Variants in TNRC6B observed in about 807,000 individuals in gnomAD.
TNRC6B encodes trinucleotide repeat-containing gene 6B protein.
Under a neutral mutation model 203.6 loss-of-function variants are expected in TNRC6B, and 52 were observed. That is an observed-to-expected ratio of 0.26 (90% confidence interval 0.20 to 0.32). TNRC6B has a LOEUF of 0.32. TNRC6B is among the 10% of genes least tolerant of loss of function. The pLI is 1.00. For missense variants in TNRC6B, 1,923 were observed against 2,286.2 expected (o/e 0.84, Z 3.24); for synonymous variants, 838 against 845.7 (o/e 0.99, Z 0.16).
chr22:40,286,608 T>A (rs1358700693), intron 12 of TNRC6B, among the ~76,000 whole-genome samples: 1 of 152,198 alleles, frequency 6.6e-6, no homozygotes, highest in Non-Finnish European at 1.5e-5. Flanking sequence ...AGGGGGAGTT[T>A]TAGAACTAAT....
At chr22:40,085,909 T>G (rs1601806887) in intron 1 of TNRC6B, among the ~76,000 whole-genome samples, 1 of 152,108 alleles carries the variant, frequency 6.6e-6, no homozygotes, top group African/African-American at 2.4e-5. Context: ...CTTGTTCTAT[T>G]GTCCAGTCTG....
intron 5 of TNRC6B, among the ~76,000 whole-genome samples, chr22:40,268,870 G>A (rs1445401757): frequency 1.3e-5 from 2 of 151,528 alleles, no homozygotes; most frequent in Non-Finnish European, 2.9e-5. Flanking sequence ...CTGAGATCAC[G>A]CCACTGCACT....
chr22:40,262,437 C>T (rs2070401070), intron 4 of TNRC6B, among the ~76,000 whole-genome samples: 1 of 151,994 alleles, frequency 6.6e-6, no homozygotes, highest in Admixed American at 6.5e-5. Flanking sequence ...CCTTCTCAGA[C>T]TAGAGTGTTA....
intron 3 of TNRC6B, among the ~76,000 whole-genome samples, chr22:40,148,324 G>GC (rs1245602653): frequency 1.5e-5 from 2 of 130,428 alleles, no homozygotes; most frequent in African/African-American, 2.9e-5. Flanking sequence ...TTGCTCTGTT[G>GC]CCAGGCTGCA....
At chr22:40,178,269 T>G in intron 1 of TNRC6B, 129 bp downstream of exon 1, 1 of 1,060,850 alleles carries the variant, frequency 9.4e-7, no homozygotes, top group South Asian at 1.5e-5. Context: ...TTCGTGGATC[T>G]GTGTAAATCA....
intron 12 of TNRC6B, among the ~76,000 whole-genome samples, chr22:40,299,144 C>CAA (rs1252985941): frequency 4.1e-4 from 18 of 43,668 alleles, no homozygotes; most frequent in East Asian, 6.6e-4. Context: ...GACCCTGTCT[C>CAA]AAAAAAAAAA....
chr22:40,321,315 C>G, intron 22 of TNRC6B, 86 bp downstream of exon 22: 1 of 1,475,164 alleles, frequency 6.8e-7, no homozygotes, highest in South Asian at 1.2e-5. Context: ...ATTAAAGATG[C>G]ACCAGAACAT....
At position 40,330,535 on chromosome 22, in the gene TNRC6B, T is replaced by G. The variant is rs2071454098; in HGVS notation, c.*7294T>G. Reference sequence around the variant, plus strand: ...TTAGGCAAAACAAAATAAAAACCTTTGGAACCCTTTAAGAAGTTACATACC... The same window carrying G: ...TTAGGCAAAACAAAATAAAAACCTTGGGAACCCTTTAAGAAGTTACATACC... On this transcript the variant is annotated 3_prime_UTR_variant, in exon 23 of 23. Coordinates refer to ENST00000454349, the MANE Select transcript of TNRC6B (RefSeq NM_001162501.2). 1 of 152,602 alleles carries G rather than the reference T, an allele frequency of 6.6e-6. No homozygotes were observed. Among genetic ancestry groups the G allele is most frequent in the Non-Finnish European group, 1.5e-5 (1 of 68,036 alleles). 9.5% of individuals were successfully genotyped at this position (152,602 alleles called of 1,614,324 possible). A position where few individuals can be genotyped will look rare whatever the true frequency, so the allele number is the denominator to read the frequency against.
rs373886942 is a variant in TNRC6B at position 40,268,236 on chromosome 22, C to T, written c.2806+1200C>T. ...GAGTAGTTGGGATTACAGGCACCCA[C>T]TGCCATGCCCAGCTAATGTTTGTAT... On this transcript the variant is annotated intron_variant, in intron 5 of 22. Coordinates refer to ENST00000454349, the MANE Select transcript of TNRC6B (RefSeq NM_001162501.2). Among the ~76,000 whole-genome samples, 31 of 152,272 alleles carry T rather than the reference C, an allele frequency of 2.0e-4. No individual in the cohort carries two copies. In the South Asian group the frequency reaches 6.0e-3, roughly 30 times the overall value.
At chr22:40,097,957 G>T (rs1239695997) in intron 1 of TNRC6B, among the ~76,000 whole-genome samples, 1 of 152,000 alleles carries the variant, frequency 6.6e-6, no homozygotes, top group Non-Finnish European at 1.5e-5. Context: ...GGGACTACAG[G>T]TGTATGCCAC....
At chr22:40,072,338 C>G (rs1173023921) in intron 1 of TNRC6B, among the ~76,000 whole-genome samples, 1 of 152,198 alleles carries the variant, frequency 6.6e-6, no homozygotes, top group Non-Finnish European at 1.5e-5. Flanking sequence ...TTCACCAAGT[C>G]AGTTGTTCTC....
chr22:40,124,943 G>A (rs2068476552), intron 2 of TNRC6B, among the ~76,000 whole-genome samples: 1 of 151,888 alleles, frequency 6.6e-6, no homozygotes, highest in Non-Finnish European at 1.5e-5. Context: ...AACCCAGGAG[G>A]TGGAGGTTGC....
chr22:40,290,284 G>A (rs1040569364), intron 12 of TNRC6B, among the ~76,000 whole-genome samples: 1 of 152,262 alleles, frequency 6.6e-6, no homozygotes, highest in Admixed American at 6.5e-5. Flanking sequence ...TGTGCAGACA[G>A]CACAGACGTA....
intron 1 of TNRC6B, among the ~76,000 whole-genome samples, chr22:40,087,344 G>A (rs2068109547): frequency 6.6e-6 from 1 of 152,138 alleles, no homozygotes; most frequent in Non-Finnish European, 1.5e-5. Context: ...ATCTAATTCA[G>A]CCATTTTATA....
At chr22:40,315,078 T>C (rs1224343696) in intron 19 of TNRC6B, among the ~76,000 whole-genome samples, 1 of 152,226 alleles carries the variant, frequency 6.6e-6, no homozygotes, top group East Asian at 1.9e-4. Context: ...TTCTATCAAT[T>C]CAGAGTAGTA....
rs781495369 is a variant in TNRC6B, at chr22:40,265,626, A to G, written c.1396A>G (p.Thr466Ala). 7 of 1,613,876 alleles carry G rather than the reference A, an allele frequency of 4.3e-6. 1 individual carries two copies. The East Asian group carries it at 8.9e-5, about 21-fold the overall frequency. Residue 466 changes from threonine (T) to alanine (A), a missense_variant, in exon 5 of 23, where the codon ACT becomes GCT. Around this residue, in one of 8 missense-constraint regions of TNRC6B, gnomAD observed 614 missense variants for 587.7 expected, o/e 1.04. Coordinates refer to ENST00000454349, the MANE Select transcript of TNRC6B (RefSeq NM_001162501.2). ...GAAAGGAGCTTCTGTTCAGAAATCAACTGGGTCAAAAAATGACTCTTGGGA... is the reference window on the plus strand; with the variant it reads ...GAAAGGAGCTTCTGTTCAGAAATCAGCTGGGTCAAAAAATGACTCTTGGGA... ...SWKGASVQKS[T>A]GSKNDSWDNN...
At position 40,308,563 on chromosome 22, in the gene TNRC6B, G is replaced by A. The variant is rs1247187566; in HGVS notation, c.4172G>A (p.Gly1391Glu). ...DYGMVGGKEA[G>E]TESRFKQWTS... ...GGCATGGTTGGTGGGAAGGAGGCTG[G>A]AACCGAGTCTCGCTTTAAACAGTGG... Residue 1391 changes from glycine to glutamate, a missense_variant, in exon 16 of 23, where the codon GGA (glycine) becomes GAA (glutamate). By Grantham distance (98) the Gly-to-Glu change is moderately conservative. Around this residue, in one of 8 missense-constraint regions of TNRC6B, gnomAD observed 242 missense variants for 399.5 expected, o/e 0.61. Coordinates refer to ENST00000454349, the MANE Select transcript of TNRC6B (RefSeq NM_001162501.2). 1 of 1,613,980 alleles carries A rather than the reference G, an allele frequency of 6.2e-7. No homozygotes were observed.
chr22:40,055,745 A>G (rs574722702), intron 1 of TNRC6B, among the ~76,000 whole-genome samples: 22 of 152,204 alleles, frequency 1.4e-4, no homozygotes, highest in South Asian at 2.1e-4. Context: ...TATCTGTAGG[A>G]GCAGAGAGTG....
intron 1 of TNRC6B, among the ~76,000 whole-genome samples, chr22:40,110,269 T>C (rs894343719): frequency 6.6e-6 from 1 of 152,236 alleles, no homozygotes; most frequent in African/African-American, 2.4e-5. Context: ...CCAGTTAACA[T>C]ATTTATTACC....
Sources: gnomAD v4.1 joint callset for allele counts (sites outside exome capture counted in the v4.1 genomes callset) on GRCh38, gnomAD v4.1.1 for gene constraint, gnomAD v4.1.1 regional missense constraint, MANE v1.5 for transcripts, NCBI Gene and HGNC (gene_info 2026-07-23, HGNC 2026-07-21) for gene names.